Variants in PPP2R2B observed in about 807,000 individuals in gnomAD.
The protein encoded by PPP2R2B is serine/threonine-protein phosphatase 2A 55 kDa regulatory subunit B beta isoform.
Under a neutral mutation model 46.0 loss-of-function variants are expected in PPP2R2B, and 5 were observed. The ratio of observed to expected loss-of-function variants is 0.11; its 90% confidence interval spans 0.06 to 0.23. The LOEUF (loss-of-function observed/expected upper bound fraction) is 0.23. PPP2R2B is among the 10% of genes least tolerant of loss of function. The pLI, the probability that PPP2R2B is intolerant of heterozygous loss-of-function variation, is 1.00. For synonymous variants in PPP2R2B, 215 were observed against 206.7 expected (o/e 1.04, Z -0.34); for missense variants, 367 against 575.0 (o/e 0.64, Z 3.70).
chr5:146,716,369 A>G (rs761363612), intron 2 of PPP2R2B, among the ~76,000 whole-genome samples: 3 of 148,680 alleles, frequency 2.0e-5, no homozygotes, highest in Admixed American at 6.6e-5. Flanking sequence ...TATTTCATTA[A>G]AGGCAGAATT....
intron 1 of PPP2R2B, among the ~76,000 whole-genome samples, chr5:147,010,751 C>G (rs1422426839): frequency 6.6e-6 from 1 of 152,136 alleles, no homozygotes; most frequent in South Asian, 2.1e-4. Flanking sequence ...CGGTAGTAAT[C>G]TGTGGCCTGG....
At chr5:146,673,074 A>G (rs1268089754) in intron 5 of PPP2R2B, among the ~76,000 whole-genome samples, 1 of 152,222 alleles carries the variant, frequency 6.6e-6, no homozygotes, top group Non-Finnish European at 1.5e-5. Flanking sequence ...CTTTCCTAGA[A>G]GGGACCAGTG....
At chr5:146,745,037 G>T (rs923046992) in intron 2 of PPP2R2B, among the ~76,000 whole-genome samples, 2 of 152,048 alleles carry the variant, frequency 1.3e-5, no homozygotes, top group African/African-American at 2.4e-5. Context: ...ATAGATAATT[G>T]ACCAAAACCC....
intron 5 of PPP2R2B, among the ~76,000 whole-genome samples, chr5:146,681,196 C>T (rs1281779613): frequency 2.0e-5 from 3 of 152,058 alleles, no homozygotes; most frequent in Non-Finnish European, 2.9e-5. Context: ...GAGCAGAGGC[C>T]CTAGAAGTCC....
chr5:146,663,471 T>A (rs193211964), intron 5 of PPP2R2B, among the ~76,000 whole-genome samples: 28 of 89,450 alleles, frequency 3.1e-4, no homozygotes, highest in African/African-American at 7.9e-4. Context: ...TATAAAAACA[T>A]CCGTAAATAA....
intron 2 of PPP2R2B, among the ~76,000 whole-genome samples, chr5:146,763,826 G>C (rs1328213808): frequency 1.3e-5 from 2 of 152,136 alleles, no homozygotes; most frequent in Non-Finnish European, 2.9e-5. Flanking sequence ...GGACTCAAGT[G>C]ATCCTACTGT....
chr5:147,037,159 G>GA (rs11448746), intron 1 of PPP2R2B, among the ~76,000 whole-genome samples: 147,164 of 151,706 alleles, frequency 0.97, 71,387 homozygotes, highest in East Asian at 1. Context: ...TAGCTTCAGG[G>GA]AAAAAAAATT....
intron 1 of PPP2R2B, among the ~76,000 whole-genome samples, chr5:147,038,920 T>C (rs11748312): frequency 0.059 from 9,052 of 152,272 alleles, 364 homozygotes; most frequent in Non-Finnish European, 0.087. Flanking sequence ...CTTTAAAAAG[T>C]ATAATGAAGT....
chr5:146,791,710 G>A (rs1014148086), intron 2 of PPP2R2B, among the ~76,000 whole-genome samples: 5 of 152,152 alleles, frequency 3.3e-5, no homozygotes, highest in African/African-American at 1.2e-4. Flanking sequence ...TCTTCCATAT[G>A]TTATTTTGGC....
At chr5:146,863,458 C>G (rs2151396890) in intron 2 of PPP2R2B, among the ~76,000 whole-genome samples, 1 of 152,166 alleles carries the variant, frequency 6.6e-6, no homozygotes, top group South Asian at 2.1e-4. Flanking sequence ...TCCCACCTAC[C>G]CTTGGCTCCA....
intron 1 of PPP2R2B, among the ~76,000 whole-genome samples, chr5:146,996,718 T>G (rs1753939522): frequency 6.6e-6 from 1 of 152,110 alleles, no homozygotes. Context: ...GGTACCTGGG[T>G]GAGGACAGAG....
At chr5:146,856,778 C>T (rs901379063) in intron 2 of PPP2R2B, among the ~76,000 whole-genome samples, 1 of 152,134 alleles carries the variant, frequency 6.6e-6, no homozygotes, top group Non-Finnish European at 1.5e-5. Flanking sequence ...GCCTCAGCCC[C>T]GTCGACCTGA....
intron 2 of PPP2R2B, among the ~76,000 whole-genome samples, chr5:146,799,898 A>T (rs983153759): frequency 6.6e-6 from 1 of 152,192 alleles, no homozygotes; most frequent in Admixed American, 6.5e-5. Flanking sequence ...GATTTATACC[A>T]GCCCATGTAT....
At chr5:146,655,368 G>A (rs1776256061) in intron 5 of PPP2R2B, among the ~76,000 whole-genome samples, 1 of 152,104 alleles carries the variant, frequency 6.6e-6, no homozygotes, top group Non-Finnish European at 1.5e-5. Context: ...CGGCTTCCCC[G>A]CTCACTTCAA....
intron 1 of PPP2R2B, among the ~76,000 whole-genome samples, chr5:147,052,209 A>G (rs1422404044): frequency 6.6e-6 from 1 of 152,176 alleles, no homozygotes; most frequent in East Asian, 1.9e-4. Context: ...CCAAGCCACA[A>G]TGATGAAAAC....
chr5:146,746,383 TA>T (rs11335578), intron 2 of PPP2R2B, among the ~76,000 whole-genome samples: 129,464 of 151,172 alleles, frequency 0.86, 55,443 homozygotes, highest in Middle Eastern at 0.87. Context: ...ACTGGGAGTT[TA>T]AAAAAAAAAA....
chr5:146,875,752 G>A (rs117334103), intron 2 of PPP2R2B, among the ~76,000 whole-genome samples: 2 of 152,264 alleles, frequency 1.3e-5, no homozygotes, highest in East Asian at 3.9e-4. Flanking sequence ...CCAGTAAGAG[G>A]GTATAAGTTA....
chr5:146,827,255 C>A (rs893509399), intron 2 of PPP2R2B, among the ~76,000 whole-genome samples: 1 of 152,168 alleles, frequency 6.6e-6, no homozygotes, highest in Non-Finnish European at 1.5e-5. Flanking sequence ...ATAAGCTATG[C>A]TCCTAAGTGA....
At chr5:147,032,824 T>TGCAAGTATC (rs1441347052) in intron 1 of PPP2R2B, among the ~76,000 whole-genome samples, 1 of 152,242 alleles carries the variant, frequency 6.6e-6, no homozygotes, top group Non-Finnish European at 1.5e-5. Context: ...AACGTGCGTG[T>TGCAAGTATC]GCAAGTATCT....
Sources: allele counts gnomAD v4.1 joint callset (sites outside exome capture counted in the v4.1 genomes callset), GRCh38; gene constraint gnomAD v4.1.1; transcripts MANE v1.5; gene names NCBI Gene and HGNC (gene_info 2026-07-23, HGNC 2026-07-21).